Variants in TVP23C observed in about 807,000 individuals in gnomAD.
The protein encoded by TVP23C is trans-golgi network vesicle protein 23 homolog C, also known as Golgi apparatus membrane protein TVP23 homolog C.
TVP23C carries 19 observed loss-of-function variants against 28.7 expected under a neutral mutation model. The ratio of observed to expected loss-of-function variants is 0.66; its 90% CI spans 0.46 to 0.97. The LOEUF is 0.97. Among genes scored for constraint, TVP23C ranks in the 50% least tolerant of loss-of-function variants. The pLI is 0.00. For synonymous variants in TVP23C, 68 were observed against 81.7 expected (o/e 0.83, Z 0.90); for missense variants, 186 against 241.3 (o/e 0.77, Z 1.52).
At chr17:15,551,171 C>T (rs1230210728) in intron 3 of TVP23C, among the ~76,000 whole-genome samples, 1 of 151,604 alleles carries the variant, frequency 6.6e-6, no homozygotes, top group Non-Finnish European at 1.5e-5. Flanking sequence ...GGCTAGAGTG[C>T]AGTGGCGCGA....
chr17:15,505,947 AGCCC>A (rs1227883017), intron 5 of TVP23C, among the ~76,000 whole-genome samples: 1 of 152,226 alleles, frequency 6.6e-6, no homozygotes, highest in Non-Finnish European at 1.5e-5. Flanking sequence ...CGGGACCTGC[AGCCC>A]GCCATGCCTG....
At chr17:15,516,812 C>T in intron 5 of TVP23C, among the ~76,000 whole-genome samples, 1 of 152,122 alleles carries the variant, frequency 6.6e-6, no homozygotes, top group East Asian at 1.9e-4. Flanking sequence ...TATGAACATC[C>T]AGCAGGTGTA....
chr17:15,539,050 A>C lies in TVP23C; in HGVS notation c.*1362T>G, dbSNP rs1273100378. 3.0e-6 allele frequency: 3 copies of C among 984,964 alleles called. No individual in the cohort carries two copies. The highest frequency in any genetic ancestry group is 1.2e-6 in the Non-Finnish European group (1 of 829,508). 61.0% of individuals were successfully genotyped at this position (984,964 alleles called of 1,614,324 possible). A position where few individuals can be genotyped will look rare whatever the true frequency, so the allele number is the denominator to read the frequency against. Reference sequence around the variant, plus strand: ...ACTATTAGCTGTATAATCTTAAGTAAATAATTTAATTTCTCGGGGCTTTAG... The same window carrying C: ...ACTATTAGCTGTATAATCTTAAGTACATAATTTAATTTCTCGGGGCTTTAG... On this transcript the variant is annotated 3_prime_UTR_variant, in exon 6 of 6. Transcript: ENST00000518321.
chr17:15,530,264 G>A (rs1982899169), intron 5 of TVP23C, among the ~76,000 whole-genome samples: 1 of 151,980 alleles, frequency 6.6e-6, no homozygotes, highest in African/African-American at 2.4e-5. Flanking sequence ...GTATTTTCTA[G>A]TATATCATTT....
intron 5 of TVP23C, among the ~76,000 whole-genome samples, chr17:15,529,667 C>G (rs2150841451): frequency 6.6e-6 from 1 of 152,198 alleles, no homozygotes; most frequent in East Asian, 1.9e-4. Flanking sequence ...ATAGTCACTC[C>G]AGCTATCTTT....
At chr17:15,528,238 T>TA (rs1301661406) in intron 5 of TVP23C, among the ~76,000 whole-genome samples, 14 of 152,274 alleles carry the variant, frequency 9.2e-5, no homozygotes, top group African/African-American at 3.1e-4. Flanking sequence ...TGTTTACTGT[T>TA]ACGGATTTCT....
In TVP23C at chr17:15,563,458, A is replaced by T; in HGVS notation, c.-10T>A. On this transcript the variant is annotated 5_prime_UTR_variant, in exon 1 of 6. Coordinates refer to ENST00000518321, the MANE Select transcript of TVP23C (RefSeq NM_001135036.2). ...TCACCTGCTGCAACATGGCGGCCCT[A>T]CGCCAGCCCTGCTTCCAGGAGCCAC... is the stretch of plus-strand genomic sequence containing the variant. The T allele has an allele frequency of 6.3e-7, 1 of 1,586,210 alleles. No individual in the cohort carries two copies. Among genetic ancestry groups the T allele is most frequent in the South Asian group, 1.2e-5 (1 of 86,834 alleles).
chr17:15,512,887 C>T (rs142414050), intron 5 of TVP23C, among the ~76,000 whole-genome samples: 1 of 152,286 alleles, frequency 6.6e-6, no homozygotes, highest in Non-Finnish European at 1.5e-5. Context: ...CCCATGGAGT[C>T]CCCCTGCTTG....
At chr17:15,549,364 G>C (rs1195306734) in intron 3 of TVP23C, among the ~76,000 whole-genome samples, 1 of 152,150 alleles carries the variant, frequency 6.6e-6, no homozygotes, top group African/African-American at 2.4e-5. Context: ...CAGGCCCCAC[G>C]AAAGGGAACA....
At chr17:15,526,754 G>A (rs188591854) in intron 5 of TVP23C, among the ~76,000 whole-genome samples, 2 of 152,278 alleles carry the variant, frequency 1.3e-5, no homozygotes, top group African/African-American at 2.4e-5. Flanking sequence ...AGAGAGAACT[G>A]GGGCTTGGGG....
chr17:15,548,037 T>C (rs1262944631), intron 3 of TVP23C, among the ~76,000 whole-genome samples: 1 of 152,166 alleles, frequency 6.6e-6, no homozygotes, highest in East Asian at 1.9e-4. Flanking sequence ...ATTATGAATG[T>C]AGACAACAAA....
rs1983228543 is a variant in TVP23C at position 15,538,013 on chromosome 17, G to A, written c.*2399C>T. 1.7e-5 allele frequency: 26 copies of A among 1,528,290 alleles called. No homozygotes were observed. The highest frequency in any genetic ancestry group is 2.3e-5 in the Non-Finnish European group (26 of 1,139,014). 94.7% of individuals were successfully genotyped at this position (1,528,290 alleles called of 1,614,324 possible). On this transcript the variant is annotated 3_prime_UTR_variant, in exon 6 of 6. Coordinates refer to ENST00000518321, the MANE Select transcript of TVP23C (RefSeq NM_001135036.2). Reference sequence around the variant, plus strand: ...TCCTTTTTATAAATAAAGTTTTTAAGTGGAAAAACAAAGCCAACACTCCTC... The same window carrying A: ...TCCTTTTTATAAATAAAGTTTTTAAATGGAAAAACAAAGCCAACACTCCTC...
At chr17:15,503,783 C>T (rs1981597094) in intron 5 of TVP23C, among the ~76,000 whole-genome samples, 2 of 152,110 alleles carry the variant, frequency 1.3e-5, no homozygotes, top group African/African-American at 4.8e-5. Flanking sequence ...TAGGAAAAGG[C>T]CATCGTAAGG....
chr17:15,536,393 C>T (rs1304236908), downstream of TVP23C, among the ~76,000 whole-genome samples: 2 of 152,186 alleles, frequency 1.3e-5, no homozygotes, highest in African/African-American at 4.8e-5. Context: ...TTTAAGGATA[C>T]TTCCTGGAAG....
chr17:15,553,611 G>A, intron 3 of TVP23C, 74 bp downstream of exon 3: 1 of 1,511,762 alleles, frequency 6.6e-7, no homozygotes. Context: ...TAACAATAAT[G>A]CAAAATGCTG....
At chr17:15,528,139 T>A (rs1384326587) in intron 5 of TVP23C, among the ~76,000 whole-genome samples, 1 of 152,194 alleles carries the variant, frequency 6.6e-6, no homozygotes, top group East Asian at 1.9e-4. Context: ...TCCTTCCTTC[T>A]GCTTACTTTG....
intron 3 of TVP23C, among the ~76,000 whole-genome samples, chr17:15,548,678 C>T (rs6502463): frequency 0.031 from 4,670 of 152,160 alleles, 171 homozygotes; most frequent in African/African-American, 0.11. Context: ...ATTAGACCTG[C>T]CACTAGATCT....
rs1238407314 is a variant in TVP23C at position 15,537,925 on chromosome 17, A to G, written c.*2487T>C. 27 of 1,442,350 alleles carry G rather than the reference A, an allele frequency of 1.9e-5. No individual in the cohort carries two copies. The highest frequency in any genetic ancestry group is 5.2e-4 in the Middle Eastern group (2 of 3,878). The allele number at this position is 1,442,350 out of a possible 1,614,324, so 89.3% of individuals were successfully genotyped here. A position where few individuals can be genotyped will look rare whatever the true frequency, so the allele number is the denominator to read the frequency against. On this transcript the variant is annotated 3_prime_UTR_variant, in exon 6 of 6. Transcript: ENST00000518321. ...AAATCTTAACAATGTTTCTAGTGCC[A>G]ACATATACTTTCTAGCCCCAACTGC...
At chr17:15,511,533 G>C (rs932602094) in intron 5 of TVP23C, among the ~76,000 whole-genome samples, 2 of 152,192 alleles carry the variant, frequency 1.3e-5, no homozygotes, top group African/African-American at 4.8e-5. Flanking sequence ...AGTACTAGTA[G>C]AGTTTCTGGG....
Sources: allele counts gnomAD v4.1 joint callset (sites outside exome capture counted in the v4.1 genomes callset), GRCh38; gene constraint gnomAD v4.1.1; transcripts MANE v1.5; gene names NCBI Gene and HGNC (gene_info 2026-07-23, HGNC 2026-07-21).